Variants in UMAD1 observed in about 807,000 individuals in gnomAD.
UMAD1 encodes UBAP1-MVB12-associated (UMA) domain containing 1.
Under a neutral mutation model 6.1 loss-of-function variants are expected in UMAD1, and 8 were observed. The ratio of observed to expected loss-of-function variants is 1.30; its 90% CI spans 0.76 to 2.35. UMAD1 has a LOEUF of 2.35. UMAD1 is among the 30% of genes most tolerant of loss of function. UMAD1 has a pLI of 0.00. For missense variants in UMAD1, 130 were observed against 78.4 expected, an observed-to-expected ratio of 1.66 and a Z score of -2.49; for synonymous variants, 56 against 31.4, an observed-to-expected ratio of 1.78 and a Z score of -2.61.
At chr7:7,732,149 A>G (rs962555064) in intron 2 of UMAD1, among the ~76,000 whole-genome samples, 2 of 152,088 alleles carry the variant, frequency 1.3e-5, no homozygotes, top group African/African-American at 2.4e-5. Context: ...TGCAATGAGT[A>G]ATTCCTGTTC....
At chr7:7,741,201 A>G (rs1563169162) in intron 2 of UMAD1, 1 of 152,148 alleles carries the variant, frequency 6.6e-6, no homozygotes, top group Non-Finnish European at 1.5e-5. Context: ...AAGTCTTTAT[A>G]AAGTTTCTCT....
At chr7:7,819,032 T>C (rs551616860) in intron 3 of UMAD1, among the ~76,000 whole-genome samples, 6 of 152,168 alleles carry the variant, frequency 3.9e-5, no homozygotes, top group Non-Finnish European at 8.8e-5. Context: ...GTATTTTTAG[T>C]AGAGACGGGT....
At chr7:7,786,300 T>A (rs1327251151) in intron 2 of UMAD1, among the ~76,000 whole-genome samples, 1 of 152,224 alleles carries the variant, frequency 6.6e-6, no homozygotes, top group East Asian at 1.9e-4. Flanking sequence ...AAGCTAATTA[T>A]TTTGTAAAAT....
chr7:7,807,486 T>C (rs766824429), intron 3 of UMAD1, among the ~76,000 whole-genome samples: 2 of 152,262 alleles, frequency 1.3e-5, no homozygotes, highest in Middle Eastern at 3.4e-3. Context: ...ACAGTTAAAA[T>C]ATTTGTTAAG....
At chr7:7,861,822 C>T (rs1256940839) in intron 3 of UMAD1, among the ~76,000 whole-genome samples, 4 of 152,086 alleles carry the variant, frequency 2.6e-5, no homozygotes, top group Non-Finnish European at 5.9e-5. Flanking sequence ...ATAGGGTGAA[C>T]ATGAGCAATT....
At chr7:7,700,928 T>G (rs1780445942) in intron 2 of UMAD1, among the ~76,000 whole-genome samples, 1 of 152,082 alleles carries the variant, frequency 6.6e-6, no homozygotes, top group Non-Finnish European at 1.5e-5. Context: ...TGCATACCTG[T>G]AGTCCCACCT....
chr7:7,839,988 G>A (rs889950211), intron 3 of UMAD1, among the ~76,000 whole-genome samples: 8 of 152,086 alleles, frequency 5.3e-5, no homozygotes, highest in African/African-American at 1.9e-4. Flanking sequence ...AAACATGGTC[G>A]GAACAAACAG....
chr7:7,803,390 G>T (rs1001583677), intron 3 of UMAD1, among the ~76,000 whole-genome samples: 1 of 152,186 alleles, frequency 6.6e-6, no homozygotes, highest in East Asian at 1.9e-4. Flanking sequence ...TGGGAGAATT[G>T]CTTGAGCCCG....
chr7:7,837,802 A>G (rs1461086616), intron 3 of UMAD1, among the ~76,000 whole-genome samples: 2 of 152,150 alleles, frequency 1.3e-5, no homozygotes, highest in Admixed American at 1.3e-4. Flanking sequence ...AAGATAGACT[A>G]GCTTTAAAAA....
intron 2 of UMAD1, among the ~76,000 whole-genome samples, chr7:7,712,709 T>C (rs1780797457): frequency 6.6e-6 from 1 of 152,220 alleles, no homozygotes; most frequent in South Asian, 2.1e-4. Context: ...TCTAGTATGT[T>C]GAAGAGAAGT....
rs527372857 is a variant in UMAD1 at position 7,648,616 on chromosome 7, C to T, written c.-64+7795C>T. On this transcript the variant is annotated intron_variant, in intron 1 of 3. Transcript: ENST00000682710. ...CTGTAATCCCAGCACTTTGGGAGGCCGAGGCAGGTAGATCCCTTGAATTCA... is the reference window on the plus strand; with the variant it reads ...CTGTAATCCCAGCACTTTGGGAGGCTGAGGCAGGTAGATCCCTTGAATTCA... 4.6e-5 allele frequency among the ~76,000 whole-genome samples: 7 copies of T among 152,000 alleles called. No individual in the cohort carries two copies. In the South Asian group the frequency reaches 6.2e-4, roughly 14 times the overall value.
intron 1 of UMAD1, among the ~76,000 whole-genome samples, chr7:7,668,815 T>C (rs1410986711): frequency 6.6e-6 from 1 of 152,228 alleles, no homozygotes; most frequent in Non-Finnish European, 1.5e-5. Context: ...AGTTAAGTGC[T>C]ACAGCTGGCC....
chr7:7,665,582 T>C (rs577079351), intron 1 of UMAD1, among the ~76,000 whole-genome samples: 1 of 152,204 alleles, frequency 6.6e-6, no homozygotes, highest in Non-Finnish European at 1.5e-5. Context: ...TGAGTTTTGA[T>C]GTGTGCTTAT....
intron 3 of UMAD1, among the ~76,000 whole-genome samples, chr7:7,837,248 C>G (rs1783588774): frequency 6.6e-6 from 1 of 151,886 alleles, no homozygotes. Flanking sequence ...TAATTTTTTT[C>G]AGATATATAA....
intron 3 of UMAD1, among the ~76,000 whole-genome samples, chr7:7,805,503 G>T (rs1466397376): frequency 2.0e-5 from 3 of 151,886 alleles, no homozygotes; most frequent in Non-Finnish European, 4.4e-5. Context: ...CTTTTACTAG[G>T]GCCCCATTCT....
At chr7:7,815,430 A>G (rs897520801) in intron 3 of UMAD1, among the ~76,000 whole-genome samples, 3 of 152,084 alleles carry the variant, frequency 2.0e-5, no homozygotes, top group African/African-American at 7.2e-5. Context: ...ATCATTTAGG[A>G]ATTATGCTCA....
At chr7:7,676,387 C>A (rs1225091647) in intron 2 of UMAD1, among the ~76,000 whole-genome samples, 1 of 152,148 alleles carries the variant, frequency 6.6e-6, no homozygotes, top group East Asian at 1.9e-4. Flanking sequence ...TTAATGTTTC[C>A]AAGTTTCTCC....
At chr7:7,767,128 CTTT>C (rs71014711) in intron 2 of UMAD1, among the ~76,000 whole-genome samples, 2 of 129,776 alleles carry the variant, frequency 1.5e-5, no homozygotes, top group Non-Finnish European at 3.3e-5. Context: ...AAATTAAGCT[CTTT>C]TTTTTTTTTT....
At chr7:7,808,344 G>C (rs1782958085) in intron 3 of UMAD1, among the ~76,000 whole-genome samples, 1 of 151,882 alleles carries the variant, frequency 6.6e-6, no homozygotes, top group Admixed American at 6.6e-5. Flanking sequence ...CCAGTTTTGA[G>C]TTTTTGCCAT....
Sources: allele counts gnomAD v4.1 joint callset (sites outside exome capture counted in the v4.1 genomes callset), GRCh38; gene constraint gnomAD v4.1.1; transcripts MANE v1.5; gene names NCBI Gene and HGNC (gene_info 2026-07-23, HGNC 2026-07-21).